The following GRHL1 variants were observed in gnomAD, a reference collection of about 807,000 sequenced individuals.
The protein encoded by GRHL1 is grainyhead-like protein 1 homolog.
A neutral mutation model predicts 75.7 loss-of-function variants in GRHL1; 38 were observed. The ratio of observed to expected loss-of-function variants is 0.50; its 90% CI spans 0.39 to 0.66. GRHL1 has a LOEUF of 0.66. Among genes scored for constraint, GRHL1 ranks in the 30% least tolerant of loss-of-function variants. The probability of loss-of-function intolerance (pLI) is 0.00; values close to 1 mark genes in which losing one functional copy is unlikely to be tolerated. For missense variants in GRHL1, 589 were observed against 767.5 expected (o/e 0.77, Z 2.75); for synonymous variants, 266 against 279.4 (o/e 0.95, Z 0.48).
rs1433313871 is a variant in GRHL1 at position 9,992,149 on chromosome 2, AG to A, written c.1461+5del. ...CCAACTTGCAGCGGGGCACTCATGT[AG>A]GTAACCAGGATCCCAGGGGAGGTTA... On this transcript the variant is annotated splice_donor_region_variant and intron_variant, in intron 11 of 15. Transcript: ENST00000324907. The surrounding 1 kb of genome is among the most constrained non-coding windows in gnomAD (Gnocchi z 4.6). 1 of 1,611,044 alleles carries A rather than the reference AG, an allele frequency of 6.2e-7. No homozygotes were observed. The highest frequency in any genetic ancestry group is 8.5e-7 in the Non-Finnish European group (1 of 1,179,066).
intron 8 of GRHL1, among the ~76,000 whole-genome samples, chr2:9,977,433 G>C (rs921701746): frequency 6.6e-6 from 1 of 152,182 alleles, no homozygotes; most frequent in African/African-American, 2.4e-5. Context: ...CAATTCTCGT[G>C]CCTCAGCCTC....
intron 1 of GRHL1, among the ~76,000 whole-genome samples, chr2:9,952,386 G>T (rs1666828030): frequency 6.6e-6 from 1 of 152,140 alleles, no homozygotes; most frequent in Non-Finnish European, 1.5e-5. Flanking sequence ...CCGATGTCCG[G>T]GCGTTTTCTT....
intron 8 of GRHL1, among the ~76,000 whole-genome samples, chr2:9,969,806 T>C (rs1667641999): frequency 6.6e-6 from 1 of 151,618 alleles, no homozygotes; most frequent in African/African-American, 2.4e-5. Flanking sequence ...TCTGATCATC[T>C]GTGCATAGGT....
chr2:9,979,151 C>CAAAAAAAAA lies in GRHL1; in HGVS notation c.1111-6965_1111-6957dup, dbSNP rs1227015836. Among the ~76,000 whole-genome samples the CAAAAAAAAA allele has an allele frequency of 3.5e-4, 21 of 60,364 alleles. 1 individual carries two copies. Among genetic ancestry groups the CAAAAAAAAA allele is most frequent in the African/African-American group, 7.1e-4 (10 of 14,148 alleles). 39.6% of individuals were successfully genotyped at this position (60,364 alleles called of 152,430 possible). On this transcript the variant is annotated intron_variant, in intron 8 of 15. Coordinates refer to ENST00000324907, the MANE Select transcript of GRHL1 (RefSeq NM_198182.3). The stretch of plus-strand genomic sequence containing the variant: ...TTCCAGCCTGGGCAAGACTCTCTCT[C>CAAAAAAAAA]AAAAAAAAAAAAAAAAGGAAACCTT...
At chr2:9,970,459 G>A (rs1221804767) in intron 8 of GRHL1, among the ~76,000 whole-genome samples, 6 of 144,592 alleles carry the variant, frequency 4.1e-5, no homozygotes, top group Non-Finnish European at 7.7e-5. Flanking sequence ...TGGTTGCTTT[G>A]GAAAGTCTTT....
At chr2:9,995,760 G>C (rs552386827) in intron 12 of GRHL1, 119 bp from the exon 13 acceptor site, 1 of 672,876 alleles carries the variant, frequency 1.5e-6, no homozygotes, top group East Asian at 2.5e-5. Flanking sequence ...TAAGGAAGCT[G>C]GACCAGATAA....
In GRHL1 at chr2:9,961,332, A is replaced by G. The variant is rs1667261888; in HGVS notation, c.565A>G (p.Asn189Asp). ...TGAGCGGGTGGTGGTTTTCGATCGG[A>G]ATCTCAATACTGACCAGTTCAGCTC... ...PTERVVVFDR[N>D]LNTDQFSSGA... Residue 189 changes from asparagine to aspartate, a missense_variant, in exon 4 of 16, where the codon AAT (asparagine) becomes GAT (aspartate). Physicochemically the swap from Asn to Asp is conservative, Grantham distance 23. Transcript: ENST00000324907. The G allele has an allele frequency of 4.3e-6, 7 of 1,614,152 alleles. No homozygotes were observed. Among genetic ancestry groups the G allele is most frequent in the Non-Finnish European group, 5.9e-6 (7 of 1,180,016 alleles).
intron 8 of GRHL1, among the ~76,000 whole-genome samples, chr2:9,967,044 C>G (rs952567440): frequency 6.6e-6 from 1 of 152,206 alleles, no homozygotes; most frequent in African/African-American, 2.4e-5. Flanking sequence ...AAGTATTGGC[C>G]TTGTGCCCCA....
chr2:9,963,859 A>C, intron 5 of GRHL1, 27 bp from the exon 6 acceptor site: 1 of 1,569,184 alleles, frequency 6.4e-7, no homozygotes, highest in Non-Finnish European at 8.7e-7. Flanking sequence ...GTAGATTTAG[A>C]GACCTGTGAC....
intron 14 of GRHL1, 128 bp downstream of exon 14, chr2:9,996,529 C>T (rs934523999): frequency 3.3e-5 from 23 of 704,650 alleles, no homozygotes; most frequent in African/African-American, 2.6e-4. Flanking sequence ...ACACCTTTCT[C>T]GAGTCGTCGT....
At chr2:9,993,143 A>C in intron 11 of GRHL1, 64 bp from the exon 12 acceptor site, 1 of 1,143,528 alleles carries the variant, frequency 8.7e-7, no homozygotes, top group Non-Finnish European at 1.3e-6. Context: ...TTTTAGGAAT[A>C]ATTCATTTAT....
At chr2:9,952,564 C>G (rs1205219022) in intron 1 of GRHL1, among the ~76,000 whole-genome samples, 1 of 152,140 alleles carries the variant, frequency 6.6e-6, no homozygotes, top group African/African-American at 2.4e-5. Flanking sequence ...AGCTAATATG[C>G]TTTTTAGAGT....
At chr2:9,965,544 A>C in intron 8 of GRHL1, 163 bp downstream of exon 8, 1 of 585,668 alleles carries the variant, frequency 1.7e-6, no homozygotes, top group Non-Finnish European at 3.0e-6. Context: ...CCTCCAAAAC[A>C]GATCATTTTT....
Position 9,961,480 on chromosome 2 carries a change from A to G in GRHL1, c.669+44A>G, listed in dbSNP as rs763692885. 2.1e-5 allele frequency: 32 copies of G among 1,541,658 alleles called. No individual in the cohort carries two copies. In the East Asian group the frequency reaches 2.7e-4, roughly 13 times the overall value. ...CTTCCTAAGACGCCTGCGTGTTTGT[A>G]TAAGTATTGGGTTCCACCTTTTCCT... is the stretch of plus-strand genomic sequence containing the variant. On this transcript the variant is annotated intron_variant, in intron 4 of 15. Transcript: ENST00000324907.
chr2:9,969,317 T>C (rs1667615835), intron 8 of GRHL1, among the ~76,000 whole-genome samples: 1 of 152,228 alleles, frequency 6.6e-6, no homozygotes, highest in Non-Finnish European at 1.5e-5. Flanking sequence ...TAGTGGGGCA[T>C]GGCTGCCTGC....
At chr2:9,998,514 ATATATATACATATATATACG>A (rs1403608311) in intron 14 of GRHL1, among the ~76,000 whole-genome samples, 1 of 36,540 alleles carries the variant, frequency 2.7e-5, no homozygotes, top group Admixed American at 3.8e-4. Flanking sequence ...ATATATACGT[ATATATATACATATATATACG>A]TATATATACA....
At chr2:9,958,652 A>T in intron 2 of GRHL1, 134 bp from the exon 3 acceptor site, 1 of 644,104 alleles carries the variant, frequency 1.6e-6, no homozygotes, top group Non-Finnish European at 2.8e-6. Context: ...GTGTGTCCCC[A>T]TAGCCTGGTG....
At chr2:9,969,143 A>G (rs1222061226) in intron 8 of GRHL1, among the ~76,000 whole-genome samples, 1 of 152,236 alleles carries the variant, frequency 6.6e-6, no homozygotes, top group African/African-American at 2.4e-5. Context: ...TTAAGAGTCT[A>G]CAACAGCATT....
chr2:9,994,611 G>A (rs11886486), intron 12 of GRHL1, among the ~76,000 whole-genome samples: 34,256 of 151,870 alleles, frequency 0.23, 4,267 homozygotes, highest in African/African-American at 0.34. Context: ...AGTGTTTCAG[G>A]CTTGAGTCCT....
Sources: gnomAD v4.1 joint callset for allele counts (sites outside exome capture counted in the v4.1 genomes callset) on GRCh38, gnomAD v4.1.1 for gene constraint, Gnocchi (gnomAD v3.1) non-coding constraint, MANE v1.5 for transcripts, NCBI Gene and HGNC (gene_info 2026-07-23, HGNC 2026-07-21) for gene names.